ABCC8: variants seen among roughly 807,000 people sequenced by gnomAD.
The protein encoded by ABCC8 is ATP binding cassette subfamily C member 8, also known as ATP-binding cassette sub-family C member 8.
In ABCC8, 137 loss-of-function variants were observed where a neutral mutation model predicts 188.0. That is an observed-to-expected ratio of 0.73 (90% CI 0.63 to 0.84). The LOEUF (loss-of-function observed/expected upper bound fraction) is 0.84. ABCC8 is among the 40% of genes least tolerant of loss of function. ABCC8 has a pLI of 0.00. For missense variants in ABCC8, 1,750 were observed against 2,072.7 expected (o/e 0.84, Z 3.02); for synonymous variants, 797 against 846.5 (o/e 0.94, Z 1.01).
intron 3 of ABCC8, among the ~76,000 whole-genome samples, chr11:17,466,398 CAAAAAAAAAA>C (rs747797902): frequency 4.0e-5 from 2 of 49,852 alleles, no homozygotes; most frequent in African/African-American, 7.0e-5. Context: ...GACTCCATCT[CAAAAAAAAAA>C]AAAAAAAAAA....
intron 9 of ABCC8, 37 bp from the exon 10 acceptor site, chr11:17,442,919 G>T (rs1448957077): frequency 6.2e-7 from 1 of 1,604,740 alleles, no homozygotes; most frequent in Non-Finnish European, 8.5e-7. Context: ...AGAGGCTTCT[G>T]CTCCGTCTCC....
chr11:17,435,734 G>A (rs973693936), intron 10 of ABCC8: 2 of 1,354,900 alleles, frequency 1.5e-6, no homozygotes, highest in Non-Finnish European at 2.1e-6. Flanking sequence ...ACTCCAGATT[G>A]GTATAGCTGG....
intron 3 of ABCC8, 90 bp downstream of exon 3, chr11:17,470,011 G>A: frequency 2.7e-6 from 4 of 1,508,018 alleles, no homozygotes; most frequent in Non-Finnish European, 3.7e-6. Context: ...CTACTGTTTA[G>A]AGCAATAGCT....
In ABCC8 at chr11:17,427,318, T is replaced by C; in HGVS notation, c.2117-164A>G. On this transcript the variant is annotated intron_variant, in intron 15 of 38. Transcript: ENST00000389817. This position sits in a 1 kb window ranked among gnomAD's most constrained non-coding sequence, Gnocchi z 5.0. Reference sequence around the variant, plus strand: ...CTCTCCCTCTTTAATCCTTTCCTTCTGGAAATCAACATCCTCCTCTGGCTC... The same window carrying C: ...CTCTCCCTCTTTAATCCTTTCCTTCCGGAAATCAACATCCTCCTCTGGCTC... The C allele has an allele frequency of 1.1e-6, 1 of 897,536 alleles. No homozygotes were observed. 55.6% of individuals were successfully genotyped at this position (897,536 alleles called of 1,614,324 possible).
At chr11:17,426,148 G>A (rs577051894) in intron 16 of ABCC8, among the ~76,000 whole-genome samples, 4 of 152,214 alleles carry the variant, frequency 2.6e-5, no homozygotes, top group African/African-American at 7.2e-5. Flanking sequence ...ATAAACATAC[G>A]TCTGCATGTG....
intron 5 of ABCC8, 116 bp from the exon 6 acceptor site, chr11:17,460,792 T>C: frequency 6.5e-7 from 1 of 1,540,620 alleles, no homozygotes; most frequent in Non-Finnish European, 8.7e-7. Context: ...GGTCACATCC[T>C]CTGCAAATAG....
chr11:17,412,879 A>G, intron 20 of ABCC8, 133 bp from the exon 21 acceptor site: 10 of 1,519,926 alleles, frequency 6.6e-6, no homozygotes, highest in Non-Finnish European at 8.8e-6. Context: ...CTCACCTTGC[A>G]TAGAGAAGGA....
chr11:17,465,322 G>C (rs1425797314), intron 3 of ABCC8: 1 of 152,234 alleles, frequency 6.6e-6, no homozygotes, highest in Non-Finnish European at 1.5e-5. Context: ...CCTCATGCTT[G>C]TCTTGTCCCT....
intron 10 of ABCC8, among the ~76,000 whole-genome samples, chr11:17,439,699 G>A (rs1002285103): frequency 6.6e-6 from 1 of 152,146 alleles, no homozygotes; most frequent in Non-Finnish European, 1.5e-5. Context: ...CTCCCCAGGG[G>A]CTCTCCCCTT....
chr11:17,406,393 C>G, intron 26 of ABCC8: 1 of 589,538 alleles, frequency 1.7e-6, no homozygotes, highest in Non-Finnish European at 3.0e-6. Flanking sequence ...GCCATGGTAA[C>G]AATTAAATGA....
At chr11:17,400,011 G>A (rs1231090223) in intron 29 of ABCC8, among the ~76,000 whole-genome samples, 1 of 152,352 alleles carries the variant, frequency 6.6e-6, no homozygotes, top group Non-Finnish European at 1.5e-5. Context: ...GTTTGATGAT[G>A]GAGGAAGGAA....
intron 26 of ABCC8, chr11:17,406,339 A>G (rs1017262345): frequency 4.1e-6 from 2 of 486,204 alleles, no homozygotes; most frequent in Non-Finnish European, 7.4e-6. Context: ...CTTAGGGAGG[A>G]GAAAACAATC....
chr11:17,396,972 T>C lies in ABCC8; in HGVS notation c.4063A>G (p.Ser1355Gly). 1 of 1,614,212 alleles carries C rather than the reference T, an allele frequency of 6.2e-7. No homozygotes were observed. Among genetic ancestry groups the C allele is most frequent in the African/African-American group, 1.3e-5 (1 of 75,054 alleles). Residue 1355 changes from serine (S) to glycine (G), a missense_variant, in exon 33 of 39, where the codon AGC (serine) becomes GGC (glycine). Ser to Gly is a moderately conservative substitution (Grantham distance 56, BLOSUM62 0). Transcript: ENST00000389817. ...TGCTTCAGCACCGGCTTCAGGGAGC[T>C]GTCGTAGCGCACGCTCAGGTTCTGG... ...QIQNLSVRYD[S>G]SLKPVLKHVN...
intron 30 of ABCC8, 199 bp from the exon 31 acceptor site, chr11:17,397,996 C>T (rs1954033793): frequency 1.5e-6 from 1 of 646,984 alleles, no homozygotes; most frequent in Non-Finnish European, 1.9e-6. Flanking sequence ...CAAGCTCATG[C>T]TCCCCTACCC....
chr11:17,446,871 C>T (rs1400984934), intron 8 of ABCC8, among the ~76,000 whole-genome samples: 1 of 152,122 alleles, frequency 6.6e-6, no homozygotes, highest in Admixed American at 6.5e-5. Flanking sequence ...ATACAAATCA[C>T]TGGAGATGAA....
chr11:17,432,172 A>T (rs777232971), intron 11 of ABCC8, 32 bp downstream of exon 11: 1 of 1,551,606 alleles, frequency 6.4e-7, no homozygotes, highest in Admixed American at 2.0e-5. Context: ...CCTCCACCCT[A>T]CCCCCAAGAG....
chr11:17,398,981 A>G, intron 29 of ABCC8: 1 of 166,720 alleles, frequency 6.0e-6, no homozygotes, highest in Admixed American at 5.6e-5. Context: ...AATATTAATG[A>G]TCTCCGGCCG....
chr11:17,426,091 G>T (rs1468175322), intron 16 of ABCC8, among the ~76,000 whole-genome samples: 1 of 152,148 alleles, frequency 6.6e-6, no homozygotes, highest in East Asian at 1.9e-4. Context: ...ATCATTGATG[G>T]GCATTTGGGT....
chr11:17,458,344 GA>G (rs1361900163), intron 6 of ABCC8, among the ~76,000 whole-genome samples: 2 of 152,066 alleles, frequency 1.3e-5, no homozygotes, highest in African/African-American at 4.8e-5. Flanking sequence ...TAAACAAAGA[GA>G]AAAAAACGGC....
Sources: gnomAD v4.1 joint callset for allele counts (sites outside exome capture counted in the v4.1 genomes callset) on GRCh38, gnomAD v4.1.1 for gene constraint, Gnocchi (gnomAD v3.1) non-coding constraint, MANE v1.5 for transcripts, NCBI Gene and HGNC (gene_info 2026-07-23, HGNC 2026-07-21) for gene names.